The following MDFI variants were observed in gnomAD, a reference collection of about 807,000 sequenced individuals.
MDFI encodes MyoD family inhibitor, also known as inhibitor of MyoD family a.
In MDFI, 16 loss-of-function variants were observed where a neutral mutation model predicts 22.3. That is an observed-to-expected ratio of 0.72 (90% CI 0.49 to 1.09). The LOEUF (loss-of-function observed/expected upper bound fraction) is 1.09, where lower values mean the gene tolerates loss of function less well. Ranked by LOEUF, MDFI falls within the 50% of genes least tolerant of loss-of-function variation. MDFI has a pLI of 0.00. For missense variants in MDFI, 314 were observed against 326.1 expected (o/e 0.96, Z 0.29); for synonymous variants, 145 against 142.7 (o/e 1.02, Z -0.12).
At chr6:41,639,509 C>T (rs1581824619) in intron 2 of MDFI, 9 of 985,312 alleles carry the variant, frequency 9.1e-6, no homozygotes, top group Non-Finnish European at 1.1e-5. Flanking sequence ...CGGTTTGTGA[C>T]TCCCTGAAGG....
intron 2 of MDFI, among the ~76,000 whole-genome samples, chr6:41,642,933 C>T (rs577927832): frequency 4.6e-5 from 7 of 152,300 alleles, no homozygotes; most frequent in Admixed American, 1.3e-4. Context: ...GAGATGTGAA[C>T]TCCAGGCTCC....
chr6:41,638,908 C>A lies in MDFI; in HGVS notation c.76+83C>A. 1.4e-6 allele frequency: 2 copies of A among 1,400,824 alleles called. No individual in the cohort carries two copies. Among genetic ancestry groups the A allele is most frequent in the Non-Finnish European group, 1.9e-6 (2 of 1,045,504 alleles). The allele number at this position is 1,400,824 out of a possible 1,614,324, so 86.8% of individuals were successfully genotyped here. A position where few individuals can be genotyped will look rare whatever the true frequency, so the allele number is the denominator to read the frequency against. ...CAGTTATTAGTTCTCCTCTCCGTCC[C>A]CAGACGCGGGGAGACCGTTCCAGGG... is the stretch of plus-strand genomic sequence containing the variant. On this transcript the variant is annotated intron_variant, in intron 2 of 4. Transcript: ENST00000230321. The surrounding 1 kb of genome is among the most constrained non-coding windows in gnomAD (Gnocchi z 7.6).
chr6:41,649,603 C>T lies in MDFI; in HGVS notation c.260-16C>T, dbSNP rs1286749389. 5 of 1,555,584 alleles carry T rather than the reference C, an allele frequency of 3.2e-6. No homozygotes were observed. Among genetic ancestry groups the T allele is most frequent in the Non-Finnish European group, 3.5e-6 (4 of 1,149,002 alleles). On this transcript the variant is annotated splice_polypyrimidine_tract_variant and intron_variant, in intron 3 of 4. Coordinates refer to ENST00000230321, the MANE Select transcript of MDFI (RefSeq NM_005586.4). Reference sequence around the variant, plus strand: ...CCCCACCCTTTTCCCATCACACTTTCTCTTCATCTCTCCAGGCCAGCCTCA... The same window carrying T: ...CCCCACCCTTTTCCCATCACACTTTTTCTTCATCTCTCCAGGCCAGCCTCA...
chr6:41,637,202 C>G (rs1284482586), upstream of MDFI: 1 of 152,126 alleles, frequency 6.6e-6, no homozygotes, highest in African/African-American at 2.4e-5. The surrounding 1 kb of genome is among the most constrained non-coding windows in gnomAD (Gnocchi z 6.8). Context: ...CCGCGGGTGC[C>G]GAGAGCGCTG....
In MDFI at chr6:41,653,285, C is replaced by G. The variant is rs1428593668; in HGVS notation, c.485-34C>G. The G allele has an allele frequency of 6.9e-6, 11 of 1,599,480 alleles. No individual in the cohort carries two copies. Among genetic ancestry groups the G allele is most frequent in the Admixed American group, 5.0e-5 (3 of 59,842 alleles). On this transcript the variant is annotated intron_variant, in intron 4 of 4. Transcript: ENST00000230321. This position sits in a 1 kb window ranked among gnomAD's most constrained non-coding sequence, Gnocchi z 4.2. ...TCACACACGCTCATCCCTCCCCTCT[C>G]TCACCCGTCCCCCTCTCCACCGCCA...
intron 2 of MDFI, among the ~76,000 whole-genome samples, chr6:41,642,993 G>C (rs1038901038): frequency 1.3e-5 from 2 of 152,138 alleles, no homozygotes; most frequent in African/African-American, 4.8e-5. Flanking sequence ...CGGGGAGGAG[G>C]GGGAGCAGGG....
chr6:41,639,626 A>C, intron 2 of MDFI: 2 of 985,464 alleles, frequency 2.0e-6, no homozygotes, highest in Non-Finnish European at 2.4e-6. Context: ...AGGAGAAGTC[A>C]GGAACCTCTG....
At chr6:41,650,805 CT>C (rs1768241653) in intron 4 of MDFI, among the ~76,000 whole-genome samples, 1 of 151,926 alleles carries the variant, frequency 6.6e-6, no homozygotes, top group South Asian at 2.1e-4. Context: ...AACTCCTGAC[CT>C]CAGGTGATCC....
chr6:41,650,573 C>CTT (rs34897556), intron 4 of MDFI, among the ~76,000 whole-genome samples: 1,530 of 129,620 alleles, frequency 0.012, 56 homozygotes, highest in African/African-American at 0.031. Flanking sequence ...AGTCTTTTTC[C>CTT]TTTTTTTTTT....
At chr6:41,638,336 CGGCGCGGG>C (rs1767707843), upstream of MDFI, 1 of 177,522 alleles carries the variant, frequency 5.6e-6, no homozygotes, top group Non-Finnish European at 1.1e-5. The surrounding 1 kb of genome is among the most constrained non-coding windows in gnomAD (Gnocchi z 7.6). Flanking sequence ...GGGCCAAGCC[CGGCGCGGG>C]GGAGGGGACC....
At position 41,653,248 on chromosome 6, in the gene MDFI, C is replaced by A; in HGVS notation, c.485-71C>A. 1 of 1,532,274 alleles carries A rather than the reference C, an allele frequency of 6.5e-7. No individual in the cohort carries two copies. Among genetic ancestry groups the A allele is most frequent in the Non-Finnish European group, 8.9e-7 (1 of 1,125,012 alleles). 94.9% of individuals were successfully genotyped at this position (1,532,274 alleles called of 1,614,324 possible). A position where few individuals can be genotyped will look rare whatever the true frequency, so the allele number is the denominator to read the frequency against. Reference sequence around the variant, plus strand: ...GCTGCCGCTGCCGCAGGCCCCCACACCCCCGGCTATTTCACACACGCTCAT... The same window carrying A: ...GCTGCCGCTGCCGCAGGCCCCCACAACCCCGGCTATTTCACACACGCTCAT... On this transcript the variant is annotated intron_variant, in intron 4 of 4. Transcript: ENST00000230321. This position sits in a 1 kb window ranked among gnomAD's most constrained non-coding sequence, Gnocchi z 4.2.
rs1362058816 is a variant in MDFI at position 41,646,126 on chromosome 6, C to T, written c.77C>T (p.Ala26Val). 2 of 1,510,058 alleles carry T rather than the reference C, an allele frequency of 1.3e-6. No homozygotes were observed. Among genetic ancestry groups the T allele is most frequent in the Middle Eastern group, 1.8e-4 (1 of 5,676 alleles). 93.5% of individuals were successfully genotyped at this position (1,510,058 alleles called of 1,614,324 possible). ...YGAPSAAPGP[A>V]QTLSLLPGLE... ...CCTCAGTCATCTGCTTTTTTCCTAGCCCAGACCCTATCCCTCCTTCCTGGG... is the reference window on the plus strand; with the variant it reads ...CCTCAGTCATCTGCTTTTTTCCTAGTCCAGACCCTATCCCTCCTTCCTGGG... The change falls in exon 3 of 5, where the codon GCC becomes GTC. Residue 26 changes from alanine (A) to valine (V), a missense_variant and splice_region_variant. Transcript: ENST00000230321.
intron 4 of MDFI, among the ~76,000 whole-genome samples, chr6:41,652,537 G>A (rs559617672): frequency 3.3e-4 from 50 of 152,026 alleles, no homozygotes; most frequent in African/African-American, 1.2e-3. Context: ...TAAGCAGGCT[G>A]TCGAAGGTGT....
In MDFI at chr6:41,653,242, C is replaced by T. The variant is rs1028314508; in HGVS notation, c.485-77C>T. The T allele has an allele frequency of 1.2e-5, 18 of 1,500,996 alleles. No individual in the cohort carries two copies. Among genetic ancestry groups the T allele is most frequent in the Non-Finnish European group, 1.5e-5 (17 of 1,098,740 alleles). 93.0% of individuals were successfully genotyped at this position (1,500,996 alleles called of 1,614,324 possible). On this transcript the variant is annotated intron_variant, in intron 4 of 4. Coordinates refer to ENST00000230321, the MANE Select transcript of MDFI (RefSeq NM_005586.4). The surrounding 1 kb of genome is among the most constrained non-coding windows in gnomAD (Gnocchi z 4.2). Reference sequence around the variant, plus strand: ...CCTGCTGCTGCCGCTGCCGCAGGCCCCCACACCCCCGGCTATTTCACACAC... The same window carrying T: ...CCTGCTGCTGCCGCTGCCGCAGGCCTCCACACCCCCGGCTATTTCACACAC...
chr6:41,642,542 G>A (rs1287330428), intron 2 of MDFI, among the ~76,000 whole-genome samples: 2 of 152,208 alleles, frequency 1.3e-5, no homozygotes, highest in African/African-American at 4.8e-5. Context: ...CACCCGGGCA[G>A]TGTCTCCTCT....
chr6:41,652,140 G>A (rs553289722), intron 4 of MDFI, among the ~76,000 whole-genome samples: 33 of 152,348 alleles, frequency 2.2e-4, no homozygotes, highest in Non-Finnish European at 3.7e-4. Context: ...CGGTATTGAA[G>A]CGGGTGGTGG....
Position 41,649,491 on chromosome 6 carries a change from G to A in MDFI, c.260-128G>A, listed in dbSNP as rs1174799311. On this transcript the variant is annotated intron_variant, in intron 3 of 4. Coordinates refer to ENST00000230321, the MANE Select transcript of MDFI (RefSeq NM_005586.4). ...TCTCTGGGCCTCAGTTTCCCCATCT[G>A]CAGGATACAGGTCTGGCTGGGTGCT... 4 of 815,576 alleles carry A rather than the reference G, an allele frequency of 4.9e-6. No individual in the cohort carries two copies. The East Asian group carries it at 1.0e-4, about 21-fold the overall frequency. 50.5% of individuals were successfully genotyped at this position (815,576 alleles called of 1,614,324 possible). A position where few individuals can be genotyped will look rare whatever the true frequency, so the allele number is the denominator to read the frequency against.
At chr6:41,648,488 C>T (rs907774948) in intron 3 of MDFI, among the ~76,000 whole-genome samples, 6 of 152,150 alleles carry the variant, frequency 3.9e-5, no homozygotes, top group Non-Finnish European at 7.4e-5. Flanking sequence ...AGGGAGGCAC[C>T]GAGGCCACCC....
chr6:41,641,823 C>A (rs1196289830), intron 2 of MDFI, among the ~76,000 whole-genome samples: 1 of 152,144 alleles, frequency 6.6e-6, no homozygotes, highest in Admixed American at 6.5e-5. Flanking sequence ...GGCTTGAAAC[C>A]ATCCCACCGG....
Sources: allele counts gnomAD v4.1 joint callset (sites outside exome capture counted in the v4.1 genomes callset), GRCh38; gene constraint gnomAD v4.1.1; non-coding constraint Gnocchi (gnomAD v3.1); transcripts MANE v1.5; gene names NCBI Gene and HGNC (gene_info 2026-07-23, HGNC 2026-07-21).